Variants in STOX2 observed in about 807,000 individuals in gnomAD.
The protein encoded by STOX2 is storkhead-box protein 2.
Under a neutral mutation model 60.9 loss-of-function variants are expected in STOX2, and 28 were observed. The ratio of observed to expected loss-of-function variants is 0.46; its 90% confidence interval spans 0.34 to 0.63. The LOEUF (loss-of-function observed/expected upper bound fraction) is 0.63. Among genes scored for constraint, STOX2 ranks in the 30% least tolerant of loss-of-function variants. The pLI is 0.01. For synonymous variants in STOX2, 472 were observed against 463.9 expected, an observed-to-expected ratio of 1.02 and a Z score of -0.22; for missense variants, 1,024 against 1,187.7, an observed-to-expected ratio of 0.86 and a Z score of 2.03.
chr4:184,013,320 T>C (rs1376595216), intron 3 of STOX2, among the ~76,000 whole-genome samples: 5 of 152,252 alleles, frequency 3.3e-5, no homozygotes, highest in Non-Finnish European at 5.9e-5. Flanking sequence ...ATCTCTAAAC[T>C]TGGGGTGCAG....
chr4:183,980,622 T>G (rs1179971263), intron 1 of STOX2, among the ~76,000 whole-genome samples: 1 of 152,136 alleles, frequency 6.6e-6, no homozygotes, highest in Non-Finnish European at 1.5e-5. Flanking sequence ...GTGATGAGAA[T>G]GTTTGGCCAG....
At chr4:183,820,628 A>T (rs558323081) in intron 1 of STOX2, among the ~76,000 whole-genome samples, 3 of 152,336 alleles carry the variant, frequency 2.0e-5, no homozygotes, top group South Asian at 4.1e-4. Flanking sequence ...TAGACATAAC[A>T]GTATATGGTT....
intron 1 of STOX2, among the ~76,000 whole-genome samples, chr4:183,954,434 G>A (rs1204941097): frequency 1.3e-5 from 2 of 151,568 alleles, no homozygotes; most frequent in Non-Finnish European, 2.9e-5. Context: ...GATTACAGGC[G>A]CCCACCACCA....
intron 1 of STOX2, among the ~76,000 whole-genome samples, chr4:183,953,317 T>C (rs1006840811): frequency 4.6e-5 from 7 of 152,058 alleles, no homozygotes; most frequent in Non-Finnish European, 7.4e-5. Context: ...ACAGGGGTGG[T>C]ATATGGGTCA....
In STOX2 at chr4:184,010,187, G is replaced by C. The variant is rs1734080665; in HGVS notation, c.1349G>C (p.Arg450Thr). The C allele has an allele frequency of 6.4e-7, 1 of 1,554,870 alleles. No homozygotes were observed. Among genetic ancestry groups the C allele is most frequent in the Admixed American group, 2.0e-5 (1 of 51,138 alleles). ...GTGTCTGGTGAATTGGCTAAAAGGAGAACTGAGATGCCTTTTCCTGAACCT... is the reference window on the plus strand; with the variant it reads ...GTGTCTGGTGAATTGGCTAAAAGGACAACTGAGATGCCTTTTCCTGAACCT... ...WDVSGELAKR[R>T]TEMPFPEPSR... Residue 450 changes from arginine (R) to threonine (T), a missense_variant, in exon 3 of 4, where the codon AGA becomes ACA. Coordinates refer to ENST00000308497, the MANE Select transcript of STOX2 (RefSeq NM_020225.3). This position sits in a 1 kb window ranked among gnomAD's most constrained non-coding sequence, Gnocchi z 4.5.
intron 1 of STOX2, among the ~76,000 whole-genome samples, chr4:183,874,991 A>ATATATATATATATATATATATG (rs150927457): frequency 2.4e-5 from 2 of 84,888 alleles, no homozygotes; most frequent in Non-Finnish European, 4.4e-5. Context: ...ATATATATAT[A>ATATATATATATATATATATATG]TAAAACTTAG....
intron 1 of STOX2, among the ~76,000 whole-genome samples, chr4:183,966,472 A>G (rs529570056): frequency 2.0e-5 from 3 of 152,334 alleles, no homozygotes; most frequent in African/African-American, 7.2e-5. Context: ...TGATGGACAG[A>G]TGGACGGGTC....
chr4:183,832,026 G>A (rs536085095), intron 1 of STOX2, among the ~76,000 whole-genome samples: 6 of 125,884 alleles, frequency 4.8e-5, no homozygotes, highest in South Asian at 5.1e-4. Flanking sequence ...TTTCACTCTT[G>A]TTGCCTAGGC....
At chr4:183,803,701 A>G (rs1383856506) in intron 1 of STOX2, among the ~76,000 whole-genome samples, 1 of 152,152 alleles carries the variant, frequency 6.6e-6, no homozygotes, top group African/African-American at 2.4e-5. Flanking sequence ...AGTGGCTCAC[A>G]CCTGTAATCC....
chr4:183,951,998 T>G lies in STOX2; in HGVS notation c.166+45042T>G, dbSNP rs552405887. Among the ~76,000 whole-genome samples, 7 of 152,284 alleles carry G rather than the reference T, an allele frequency of 4.6e-5. No individual in the cohort carries two copies. The South Asian group carries it at 1.5e-3, about 32-fold the overall frequency. Reference sequence around the variant, plus strand: ...ACTCTCTTCACTCTCCGATGCTCTCTCCCTCTAGCCTTTTGTAGTTTCCCC... The same window carrying G: ...ACTCTCTTCACTCTCCGATGCTCTCGCCCTCTAGCCTTTTGTAGTTTCCCC... On this transcript the variant is annotated intron_variant, in intron 1 of 3. Coordinates refer to ENST00000308497, the MANE Select transcript of STOX2 (RefSeq NM_020225.3).
Position 183,815,521 on chromosome 4 carries a change from A to G in STOX2, c.364+17466A>G, listed in dbSNP as rs144067911. 5.3e-3 allele frequency among the ~76,000 whole-genome samples: 806 copies of G among 152,338 alleles called. 7 individuals carry two copies. Among genetic ancestry groups the G allele is most frequent in the African/African-American group, 0.018 (748 of 41,590 alleles). On this transcript the variant is annotated intron_variant, in intron 1 of 2. Coordinates refer to the STOX2 transcript ENST00000513034. ...TATCTCAATTTAAAAATAAAATAAA[A>G]TAAATTGGACAATTACAAAAAGCCA...
chr4:183,878,460 CTGTTT>C (rs745874192), intron 1 of STOX2, among the ~76,000 whole-genome samples: 2 of 152,160 alleles, frequency 1.3e-5, no homozygotes, highest in Non-Finnish European at 2.9e-5. Flanking sequence ...ACCAATTATT[CTGTTT>C]TAACAGTCGT....
At chr4:183,845,617 A>G (rs1261717913) in intron 1 of STOX2, among the ~76,000 whole-genome samples, 1 of 152,196 alleles carries the variant, frequency 6.6e-6, no homozygotes, top group Non-Finnish European at 1.5e-5. Context: ...AAGATAATAG[A>G]GAAGTGATGT....
At chr4:183,999,055 C>G (rs1703122404) in intron 1 of STOX2, among the ~76,000 whole-genome samples, 1 of 151,702 alleles carries the variant, frequency 6.6e-6, no homozygotes, top group African/African-American at 2.4e-5. Context: ...AAAAAGCAAA[C>G]AAACAAAAAA....
At chr4:184,013,867 G>A (rs927579733) in intron 3 of STOX2, among the ~76,000 whole-genome samples, 9 of 151,980 alleles carry the variant, frequency 5.9e-5, no homozygotes, top group Admixed American at 1.3e-4. Context: ...GCTCACTGCC[G>A]CCTGGAACTC....
At chr4:183,883,090 C>T (rs1240568190) in intron 1 of STOX2, among the ~76,000 whole-genome samples, 1 of 152,056 alleles carries the variant, frequency 6.6e-6, no homozygotes, top group African/African-American at 2.4e-5. Context: ...TATCCGGCTT[C>T]AGCAATGTCA....
chr4:183,963,055 A>G (rs764119548), intron 1 of STOX2, among the ~76,000 whole-genome samples: 2 of 152,208 alleles, frequency 1.3e-5, no homozygotes, highest in Non-Finnish European at 2.9e-5. Context: ...TAATTCTTCT[A>G]CACTCATTGG....
chr4:183,807,430 T>G (rs1384397395), intron 1 of STOX2, among the ~76,000 whole-genome samples: 1 of 152,202 alleles, frequency 6.6e-6, no homozygotes, highest in East Asian at 1.9e-4. Flanking sequence ...GGGACAGTCC[T>G]GCAGTCCTTG....
chr4:183,921,990 C>T (rs1004330982), intron 1 of STOX2, among the ~76,000 whole-genome samples: 2 of 152,152 alleles, frequency 1.3e-5, no homozygotes, highest in Admixed American at 1.3e-4. Flanking sequence ...AGGTCAAACA[C>T]TTGTATTCAG....
Sources: allele counts gnomAD v4.1 joint callset (sites outside exome capture counted in the v4.1 genomes callset), GRCh38; gene constraint gnomAD v4.1.1; non-coding constraint Gnocchi (gnomAD v3.1); transcripts MANE v1.5; gene names NCBI Gene and HGNC (gene_info 2026-07-23, HGNC 2026-07-21).